Variants in NBAS observed in about 807,000 individuals in gnomAD.
NBAS encodes NBAS subunit of NRZ tethering complex.
In NBAS, 219 loss-of-function variants were observed where a neutral mutation model predicts 302.5. That is an observed-to-expected ratio of 0.72 (90% confidence interval 0.65 to 0.81). The LOEUF (loss-of-function observed/expected upper bound fraction) is 0.81, where lower values mean the gene tolerates loss of function less well. Among genes scored for constraint, NBAS ranks in the 30% least tolerant of loss-of-function variants. NBAS has a pLI of 0.00. For synonymous variants in NBAS, 1,118 were observed against 1,021.6 expected (o/e 1.09, Z -1.80); for missense variants, 2,932 against 2,841.6 (o/e 1.03, Z -0.72).
chr2:15,060,850 G>A, the NBAS span, among the ~76,000 whole-genome samples: 1 of 152,250 alleles, frequency 6.6e-6, no homozygotes, highest in Non-Finnish European at 1.5e-5. Context: ...AGAGAAATAA[G>A]GGAGGCACAA....
chr2:14,959,396 C>T, the NBAS span, among the ~76,000 whole-genome samples: 1 of 152,308 alleles, frequency 6.6e-6, no homozygotes, highest in East Asian at 1.9e-4. Flanking sequence ...TTTCATCATC[C>T]CTTACCTTAA....
the NBAS span, among the ~76,000 whole-genome samples, chr2:15,157,385 A>C: frequency 6.6e-6 from 1 of 152,168 alleles, no homozygotes; most frequent in African/African-American, 2.4e-5. Context: ...GCTCCTTCTC[A>C]CCCTCCAGAG....
At chr2:14,895,739 C>CAAAAAAAAAAAAAAAAAAAAAAAAAAT in the NBAS span, among the ~76,000 whole-genome samples, 1 of 95,474 alleles carries the variant, frequency 1.0e-5, no homozygotes, top group Non-Finnish European at 2.2e-5. Context: ...GACTCCGTCT[C>CAAAAAAAAAAAAAAAAAAAAAAAAAAT]AAAAAAAAAA....
the NBAS span, among the ~76,000 whole-genome samples, chr2:14,906,635 A>C: frequency 2.0e-5 from 3 of 152,158 alleles, no homozygotes; most frequent in Non-Finnish European, 4.4e-5. Context: ...CAGGGGCAGA[A>C]GCCCTGGGGG....
the NBAS span, among the ~76,000 whole-genome samples, chr2:14,873,044 C>G: frequency 6.6e-6 from 1 of 152,202 alleles, no homozygotes; most frequent in South Asian, 2.1e-4. Context: ...AGGGGACTCT[C>G]GGCAGGTGGC....
the NBAS span, among the ~76,000 whole-genome samples, chr2:15,065,662 T>A: frequency 6.6e-6 from 1 of 151,704 alleles, no homozygotes; most frequent in Non-Finnish European, 1.5e-5. Context: ...AATAAAACAC[T>A]TAGAAATAAA....
rs571691845 is a variant in NBAS at position 15,219,283 on chromosome 2, T to C, written c.6237-315A>G. 2.6e-5 allele frequency among the ~76,000 whole-genome samples: 4 copies of C among 152,118 alleles called. No homozygotes were observed. The East Asian group carries it at 5.8e-4, about 22-fold the overall frequency. Reference sequence around the variant, plus strand: ...TTATTTCTGTTAATAATACCAATAGTGCAAGGCTGCATTCTAGTAATTTTT... The same window carrying C: ...TTATTTCTGTTAATAATACCAATAGCGCAAGGCTGCATTCTAGTAATTTTT... On this transcript the variant is annotated intron_variant, in intron 47 of 51. Coordinates refer to ENST00000281513, the MANE Select transcript of NBAS (RefSeq NM_015909.4).
At chr2:14,814,449 A>G in the NBAS span, among the ~76,000 whole-genome samples, 1 of 152,244 alleles carries the variant, frequency 6.6e-6, no homozygotes, top group East Asian at 1.9e-4. Context: ...GATGTGAGAC[A>G]TGGAGTCAAA....
At chr2:15,438,705 A>G (rs1452769059) in intron 21 of NBAS, among the ~76,000 whole-genome samples, 1 of 152,232 alleles carries the variant, frequency 6.6e-6, no homozygotes, top group Non-Finnish European at 1.5e-5. Context: ...CAGAGTTTGA[A>G]AGTCAGAGAG....
chr2:14,974,579 T>G, the NBAS span, among the ~76,000 whole-genome samples: 1 of 152,198 alleles, frequency 6.6e-6, no homozygotes, highest in Non-Finnish European at 1.5e-5. Flanking sequence ...AATGTTTAGT[T>G]ACAAATCCTG....
the NBAS span, among the ~76,000 whole-genome samples, chr2:14,944,011 T>G: frequency 6.6e-6 from 1 of 152,108 alleles, no homozygotes; most frequent in African/African-American, 2.4e-5. Flanking sequence ...AAAAAACTAC[T>G]AATCCCTGCC....
At chr2:15,416,887 G>A (rs550506211) in intron 24 of NBAS, among the ~76,000 whole-genome samples, 3 of 151,846 alleles carry the variant, frequency 2.0e-5, no homozygotes, top group Admixed American at 2.0e-4. Context: ...AAAGAGTCCA[G>A]GGAGGAAAAA....
the NBAS span, among the ~76,000 whole-genome samples, chr2:15,026,462 C>CA: frequency 2.4e-3 from 11 of 4,532 alleles, 3 homozygotes; most frequent in African/African-American, 5.5e-3. Flanking sequence ...GACTCCGTCT[C>CA]AAAAAAAAAA....
intron 44 of NBAS, among the ~76,000 whole-genome samples, chr2:15,247,668 C>T (rs542922622): frequency 9.9e-5 from 14 of 141,710 alleles, no homozygotes; most frequent in Admixed American, 9.1e-4. Context: ...GAGCTACTCT[C>T]TCTCTCTCTC....
In NBAS at chr2:15,528,866, C is replaced by CAA. The variant is rs67437705; in HGVS notation, c.746+5675_746+5676dup. 7.0e-3 allele frequency among the ~76,000 whole-genome samples: 623 copies of CAA among 88,688 alleles called. 1 individual carries two copies. Among genetic ancestry groups the CAA allele is most frequent in the South Asian group, 0.013 (34 of 2,540 alleles). 58.2% of individuals were successfully genotyped at this position (88,688 alleles called of 152,430 possible). A position where few individuals can be genotyped will look rare whatever the true frequency, so the allele number is the denominator to read the frequency against. ...TGGGCAACAGAGTGAGACTCCATCT[C>CAA]AAAAAAAAAAAAATATATATATATA... On this transcript the variant is annotated intron_variant, in intron 9 of 51. Coordinates refer to ENST00000281513, the MANE Select transcript of NBAS (RefSeq NM_015909.4).
the NBAS span, among the ~76,000 whole-genome samples, chr2:14,928,497 T>G: frequency 1.3e-5 from 2 of 152,214 alleles, no homozygotes; most frequent in Non-Finnish European, 2.9e-5. Context: ...TCTAGTCATA[T>G]AATATAAATA....
intron 48 of NBAS, among the ~76,000 whole-genome samples, chr2:15,210,535 A>G (rs1230087912): frequency 1.3e-5 from 2 of 152,202 alleles, no homozygotes; most frequent in Non-Finnish European, 2.9e-5. Context: ...AATGTAAATT[A>G]GTACAAAAAC....
chr2:15,236,891 TTTCAAAATTTTA>T (rs1667621062), intron 45 of NBAS, among the ~76,000 whole-genome samples: 2 of 152,146 alleles, frequency 1.3e-5, no homozygotes, highest in Admixed American at 6.5e-5. Flanking sequence ...ATAAAATTTC[TTTCAAAATTTTA>T]AGTTCTTCCC....
chr2:15,304,809 C>G, intron 40 of NBAS, among the ~76,000 whole-genome samples: 1 of 152,146 alleles, frequency 6.6e-6, no homozygotes, highest in East Asian at 1.9e-4. Context: ...AAAAGCAAAT[C>G]ATTCAAAAGG....
Sources: gnomAD v4.1 joint callset for allele counts (sites outside exome capture counted in the v4.1 genomes callset) on GRCh38, gnomAD v4.1.1 for gene constraint, MANE v1.5 for transcripts, NCBI Gene and HGNC (gene_info 2026-07-23, HGNC 2026-07-21) for gene names.